NGEF: variants seen among roughly 807,000 people sequenced by gnomAD.
NGEF encodes ephexin-1.
A neutral mutation model predicts 80.9 loss-of-function variants in NGEF; 31 were observed. The ratio of observed to expected loss-of-function variants is 0.38; its 90% CI spans 0.29 to 0.52. NGEF has a LOEUF of 0.52. Ranked by LOEUF, NGEF falls within the 20% of genes least tolerant of loss-of-function variation. NGEF has a pLI of 0.84. For missense variants in NGEF, 709 were observed against 926.2 expected (o/e 0.77, Z 3.04); for synonymous variants, 371 against 370.2 (o/e 1.00, Z -0.03).
chr2:232,883,838 G>T, intron 11 of NGEF, 143 bp downstream of exon 11: 1 of 848,614 alleles, frequency 1.2e-6, no homozygotes, highest in Non-Finnish European at 1.7e-6. Context: ...CCAAAGCTGG[G>T]CCACAGCAGA....
At position 232,974,956 on chromosome 2, in the gene NGEF, G is replaced by A. The variant is rs1308301350; in HGVS notation, c.-66C>T. ...TCAATGACTTTCCCAAGCTTCACTG[G>A]TTTGAGTGCTTTAGAATAGATAGAA... On this transcript the variant is annotated 5_prime_UTR_variant, in exon 2 of 15. Transcript: ENST00000264051. 4 of 1,525,494 alleles carry A rather than the reference G, an allele frequency of 2.6e-6. No homozygotes were observed. Among genetic ancestry groups the A allele is most frequent in the Non-Finnish European group, 2.7e-6 (3 of 1,123,794 alleles). 94.5% of individuals were successfully genotyped at this position (1,525,494 alleles called of 1,614,324 possible).
chr2:232,927,780 C>T, intron 3 of NGEF: 4 of 567,028 alleles, frequency 7.1e-6, no homozygotes, highest in Non-Finnish European at 1.0e-5. Context: ...CGGGGGCCCG[C>T]GGAGGAGGAG....
At chr2:232,983,094 C>T (rs11674496) in intron 1 of NGEF, among the ~76,000 whole-genome samples, 31,006 of 152,130 alleles carry the variant, frequency 0.2, 4,040 homozygotes, top group Non-Finnish European at 0.28. Flanking sequence ...CCCACTGGGG[C>T]ATTTTGGTGT....
At chr2:232,979,612 A>G (rs192917202) in intron 1 of NGEF, among the ~76,000 whole-genome samples, 3 of 152,076 alleles carry the variant, frequency 2.0e-5, no homozygotes, top group African/African-American at 7.2e-5. Flanking sequence ...TTTCTATTCC[A>G]TGGTAACTTC....
intron 1 of NGEF, among the ~76,000 whole-genome samples, chr2:233,008,799 CTT>C (rs372599016): frequency 2.7e-5 from 4 of 145,482 alleles, no homozygotes; most frequent in African/African-American, 1.0e-4. Flanking sequence ...CCATCTGCAT[CTT>C]TTTTTTTTTT....
chr2:232,925,020 A>G (rs1423614426), intron 4 of NGEF, among the ~76,000 whole-genome samples: 1 of 152,232 alleles, frequency 6.6e-6, no homozygotes, highest in Non-Finnish European at 1.5e-5. Context: ...TTAACATATT[A>G]AATTTCTGTA....
intron 3 of NGEF, among the ~76,000 whole-genome samples, chr2:232,928,969 G>C (rs1190848267): frequency 6.6e-6 from 1 of 152,148 alleles, no homozygotes; most frequent in Non-Finnish European, 1.5e-5. Context: ...TCTGCTCAGG[G>C]ATCATGCTGT....
At chr2:232,915,604 T>G (rs998011329) in intron 5 of NGEF, among the ~76,000 whole-genome samples, 2 of 152,156 alleles carry the variant, frequency 1.3e-5, no homozygotes, top group Admixed American at 1.3e-4. Context: ...TTTTTCTGAT[T>G]CCCCATCTTC....
At chr2:232,996,191 G>A (rs1027814168) in intron 1 of NGEF, among the ~76,000 whole-genome samples, 8 of 152,078 alleles carry the variant, frequency 5.3e-5, no homozygotes, top group African/African-American at 1.9e-4. Context: ...AGCCGGGTGT[G>A]GTAGCACACA....
At chr2:232,896,117 G>GC (rs1692050938) in intron 5 of NGEF, among the ~76,000 whole-genome samples, 1 of 152,160 alleles carries the variant, frequency 6.6e-6, no homozygotes, top group Non-Finnish European at 1.5e-5. Context: ...TTGAACTGTG[G>GC]CCCCCACAGA....
chr2:232,997,970 T>C (rs889742048), intron 1 of NGEF, among the ~76,000 whole-genome samples: 2 of 152,176 alleles, frequency 1.3e-5, no homozygotes, highest in East Asian at 3.9e-4. Context: ...CGTGCCCCGA[T>C]AGGACAGGGG....
intron 7 of NGEF, among the ~76,000 whole-genome samples, chr2:232,891,872 A>G (rs933699285): frequency 4.6e-5 from 7 of 152,064 alleles, no homozygotes. Flanking sequence ...AGCCTGCACT[A>G]TTTCTGACAG....
intron 3 of NGEF, among the ~76,000 whole-genome samples, chr2:232,958,227 G>A (rs1458797265): frequency 6.6e-6 from 1 of 152,106 alleles, no homozygotes; most frequent in Non-Finnish European, 1.5e-5. Context: ...TAGGGGAGGT[G>A]GAGAAATGGG....
intron 1 of NGEF, among the ~76,000 whole-genome samples, chr2:233,010,478 G>T (rs1312029894): frequency 6.6e-6 from 1 of 152,202 alleles, no homozygotes; most frequent in Non-Finnish European, 1.5e-5. Flanking sequence ...ATGGAAGATT[G>T]TTGAATGATG....
Position 232,892,973 on chromosome 2 carries a change from G to A in NGEF, c.1067C>T (p.Ala356Val), listed in dbSNP as rs760174723. 2.5e-6 allele frequency: 4 copies of A among 1,613,504 alleles called. No homozygotes were observed. Among genetic ancestry groups the A allele is most frequent in the African/African-American group, 1.3e-5 (1 of 75,030 alleles). The change falls in exon 7 of 15, where the codon GCG (alanine) becomes GTG (valine). Residue 356 changes from alanine to valine, a missense_variant. Physicochemically the swap from Ala to Val is moderately conservative, Grantham distance 64 (BLOSUM62 0). This residue lies in a region of NGEF where 426 missense variants were observed against 622.9 expected (regional missense o/e 0.68). Coordinates refer to ENST00000264051, the MANE Select transcript of NGEF (RefSeq NM_019850.3). The surrounding 1 kb of genome is among the most constrained non-coding windows in gnomAD (Gnocchi z 4.0). Reference sequence around the variant, plus strand: ...GATGTAGACAGAGAAGTGGTCGGCCGCATAACGGTACACAATGTCACACAC... The same window carrying A: ...GATGTAGACAGAGAAGTGGTCGGCCACATAACGGTACACAATGTCACACAC... The part of the protein sequence containing the change: ...SDVCDIVYRY[A>V]ADHFSVYITY...
chr2:232,958,590 T>G (rs779278330), intron 3 of NGEF, among the ~76,000 whole-genome samples: 5 of 152,168 alleles, frequency 3.3e-5, no homozygotes, highest in Non-Finnish European at 7.3e-5. Context: ...TAATGCTACC[T>G]GGGCCACCAT....
intron 1 of NGEF, among the ~76,000 whole-genome samples, chr2:233,001,169 C>G (rs541615257): frequency 1.3e-5 from 2 of 152,292 alleles, no homozygotes; most frequent in South Asian, 4.1e-4. Context: ...CTGAACCAAC[C>G]AGATTCCCCC....
chr2:232,899,596 T>A (rs1445049764), intron 5 of NGEF, among the ~76,000 whole-genome samples: 2 of 143,058 alleles, frequency 1.4e-5, no homozygotes, highest in African/African-American at 2.5e-5. Flanking sequence ...ATATACACGT[T>A]CACTCACATT....
intron 8 of NGEF, chr2:232,891,108 G>C: frequency 3.4e-6 from 2 of 580,100 alleles, no homozygotes; most frequent in South Asian, 1.6e-5. Context: ...CCCCTGTCGT[G>C]TCGGCCCATT....
Sources: gnomAD v4.1 joint callset for allele counts (sites outside exome capture counted in the v4.1 genomes callset) on GRCh38, gnomAD v4.1.1 for gene constraint, gnomAD v4.1.1 regional missense constraint, Gnocchi (gnomAD v3.1) non-coding constraint, MANE v1.5 for transcripts, NCBI Gene and HGNC (gene_info 2026-07-23, HGNC 2026-07-21) for gene names.